Variants in CAMSAP2 observed in about 807,000 individuals in gnomAD.
CAMSAP2 encodes the protein calmodulin regulated spectrin associated protein family member 2, also known as calmodulin-regulated spectrin-associated protein 2.
Under a neutral mutation model 146.1 loss-of-function variants are expected in CAMSAP2, and 26 were observed. The observed-to-expected ratio is 0.18, with a 90% CI of 0.13 to 0.25. The LOEUF (loss-of-function observed/expected upper bound fraction) is 0.25, where lower values mean the gene tolerates loss of function less well. CAMSAP2 is among the 10% of genes least tolerant of loss of function. The probability of loss-of-function intolerance (pLI) is 1.00; values close to 1 mark genes in which losing one functional copy is unlikely to be tolerated. For synonymous variants in CAMSAP2, 499 were observed against 596.6 expected (o/e 0.84, Z 2.38); for missense variants, 1,381 against 1,759.3 (o/e 0.78, Z 3.85).
rs569606766 is a variant in CAMSAP2, at chr1:200,853,125, A to G, written c.3603-150A>G. The G allele has an allele frequency of 1.5e-6, 1 of 660,930 alleles. No individual in the cohort carries two copies. The highest frequency in any genetic ancestry group is 2.9e-5 in the Admixed American group (1 of 34,354). 40.9% of individuals were successfully genotyped at this position (660,930 alleles called of 1,614,324 possible). A position where few individuals can be genotyped will look rare whatever the true frequency, so the allele number is the denominator to read the frequency against. On this transcript the variant is annotated intron_variant, in intron 12 of 16. Transcript: ENST00000358823. This position sits in a 1 kb window ranked among gnomAD's most constrained non-coding sequence, Gnocchi z 5.1. ...TTATTTATGCTTAATCCCATGTCTC[A>G]GCAGAATCGTCAAGTACCTTTTAAA...
At chr1:200,761,184 GT>G in intron 2 of CAMSAP2, 86 bp downstream of exon 2, 1 of 1,272,860 alleles carries the variant, frequency 7.9e-7, no homozygotes, top group Middle Eastern at 1.9e-4. Flanking sequence ...AGAGGGAAAT[GT>G]TTTGAAATTG....
chr1:200,800,518 G>GT (rs1397542738), intron 2 of CAMSAP2, among the ~76,000 whole-genome samples: 2 of 151,810 alleles, frequency 1.3e-5, no homozygotes, highest in Non-Finnish European at 2.9e-5. Context: ...CATTTGCTTG[G>GT]TAAATCTTCC....
intron 7 of CAMSAP2, 23 bp from the exon 8 acceptor site, chr1:200,844,758 GT>G (rs1202914911): frequency 2.8e-6 from 4 of 1,406,748 alleles, no homozygotes; most frequent in Non-Finnish European, 3.9e-6. Flanking sequence ...ATTTGAGGGT[GT>G]TTTTAAAAAT....
intron 1 of CAMSAP2, among the ~76,000 whole-genome samples, chr1:200,749,809 A>AT (rs1664448124): frequency 1.3e-5 from 2 of 152,142 alleles, no homozygotes; most frequent in South Asian, 2.1e-4. Context: ...CTTTCTCTTT[A>AT]TGGGGGGGAA....
At chr1:200,809,166 CCTTAT>C (rs1470048997) in intron 3 of CAMSAP2, among the ~76,000 whole-genome samples, 1 of 152,132 alleles carries the variant, frequency 6.6e-6, no homozygotes, top group African/African-American at 2.4e-5. Flanking sequence ...GCTAAATTTG[CCTTAT>C]CTTTTCTTGA....
intron 1 of CAMSAP2, among the ~76,000 whole-genome samples, chr1:200,749,121 C>G (rs1369062406): frequency 6.6e-6 from 1 of 152,170 alleles, no homozygotes; most frequent in South Asian, 2.1e-4. Context: ...GGAGGAAGGA[C>G]CACACTCCCT....
chr1:200,798,192 A>T (rs1335817433), intron 2 of CAMSAP2, among the ~76,000 whole-genome samples: 1 of 150,154 alleles, frequency 6.7e-6, no homozygotes, highest in African/African-American at 2.5e-5. Flanking sequence ...AGTTTTTTCC[A>T]ATTCTGTGAA....
At chr1:200,790,216 G>A (rs1418405436) in intron 2 of CAMSAP2, among the ~76,000 whole-genome samples, 5 of 152,150 alleles carry the variant, frequency 3.3e-5, no homozygotes, top group Non-Finnish European at 7.3e-5. Flanking sequence ...GTTAGGCTTT[G>A]ATAGTACCTT....
At chr1:200,816,836 G>GTA (rs1378720099) in intron 4 of CAMSAP2, among the ~76,000 whole-genome samples, 6 of 49,884 alleles carry the variant, frequency 1.2e-4, no homozygotes, top group African/African-American at 4.5e-4. Flanking sequence ...ACACGCGTGT[G>GTA]TATGTGTGTA....
chr1:200,848,459 A>G lies in CAMSAP2; in HGVS notation c.1690A>G (p.Ile564Val). The G allele has an allele frequency of 2.5e-6, 4 of 1,613,324 alleles. No individual in the cohort carries two copies. The highest frequency in any genetic ancestry group is 3.4e-6 in the Non-Finnish European group (4 of 1,179,658). The change falls in exon 11 of 17, where the codon ATT (isoleucine) becomes GTT (valine). Residue 564 changes from isoleucine (I) to valine (V), a missense_variant. Around this residue, in one of 4 missense-constraint regions of CAMSAP2, gnomAD observed 447 missense variants for 462.2 expected, o/e 0.97. Coordinates refer to ENST00000358823, the MANE Select transcript of CAMSAP2 (RefSeq NM_203459.4). ...TCCTCATACACCTCAGCCAGACCAA[A>G]TTGCTAATGGCTTCTTTCTTCATAG... The part of the protein sequence containing the change: ...KSPHTPQPDQ[I>V]ANGFFLHSQE...
rs1667684027 is a variant in CAMSAP2, at chr1:200,853,804, TTAAA to T, written c.3823+315_3823+318del. ...AACTGCCCTTTACATACTTATAAATTTAAATAAATGTTATATGCATGAAATGTAC... is the reference window on the plus strand; with the variant it reads ...AACTGCCCTTTACATACTTATAAATTTAAATGTTATATGCATGAAATGTAC... On this transcript the variant is annotated intron_variant, in intron 13 of 16. Transcript: ENST00000358823. The surrounding 1 kb of genome is among the most constrained non-coding windows in gnomAD (Gnocchi z 5.1). Among the ~76,000 whole-genome samples the T allele has an allele frequency of 6.6e-6, 1 of 152,166 alleles. No homozygotes were observed. The highest frequency in any genetic ancestry group is 1.5e-5 in the Non-Finnish European group (1 of 68,030).
chr1:200,803,126 T>C (rs1666078427), intron 2 of CAMSAP2, among the ~76,000 whole-genome samples: 2 of 152,200 alleles, frequency 1.3e-5, no homozygotes, highest in South Asian at 4.1e-4. Context: ...CGCAGTTGCC[T>C]CCTACAAGGT....
At chr1:200,806,759 GTGTGTGTATC>G (rs1558185445) in intron 2 of CAMSAP2, among the ~76,000 whole-genome samples, 1 of 132,118 alleles carries the variant, frequency 7.6e-6, no homozygotes, top group Non-Finnish European at 1.7e-5. Flanking sequence ...GTGTGTGTGT[GTGTGTGTATC>G]TATCTATCTA....
chr1:200,780,298 A>T (rs1665396303), intron 2 of CAMSAP2, among the ~76,000 whole-genome samples: 1 of 152,170 alleles, frequency 6.6e-6, no homozygotes, highest in African/African-American at 2.4e-5. Context: ...ACTCTTTGAA[A>T]AGCTGATGCT....
At chr1:200,745,998 G>C (rs1664311417) in intron 1 of CAMSAP2, among the ~76,000 whole-genome samples, 1 of 152,150 alleles carries the variant, frequency 6.6e-6, no homozygotes, top group Non-Finnish European at 1.5e-5. Context: ...AAACTCAAAG[G>C]TATAAAAGAG....
chr1:200,798,994 A>G (rs957819162), intron 2 of CAMSAP2, among the ~76,000 whole-genome samples: 1 of 152,234 alleles, frequency 6.6e-6, no homozygotes, highest in Non-Finnish European at 1.5e-5. Flanking sequence ...ATATTGAACC[A>G]GCCTTGCATC....
chr1:200,837,391 A>G (rs554286102), intron 6 of CAMSAP2, among the ~76,000 whole-genome samples: 4 of 152,040 alleles, frequency 2.6e-5, no homozygotes, highest in Non-Finnish European at 4.4e-5. Flanking sequence ...CAAAGATCAG[A>G]TGGTTGTAGA....
At chr1:200,828,246 A>T (rs905078783) in intron 4 of CAMSAP2, among the ~76,000 whole-genome samples, 5 of 152,088 alleles carry the variant, frequency 3.3e-5, no homozygotes, top group African/African-American at 7.2e-5. Context: ...CCCTTTTGTG[A>T]TATAGATTTA....
rs1403844159 is a variant in CAMSAP2, at chr1:200,816,775, CGT to C, written c.645+1134_645+1135del. ...GTATATATGTGTGTACACACACACG[CGT>C]GTATATATGTGTGTACACACACACG... is the stretch of plus-strand genomic sequence containing the variant. On this transcript the variant is annotated intron_variant, in intron 4 of 16. Coordinates refer to ENST00000358823, the MANE Select transcript of CAMSAP2 (RefSeq NM_203459.4). Among the ~76,000 whole-genome samples the C allele has an allele frequency of 1.0e-3, 114 of 113,166 alleles. 31 individuals are homozygous for C. The highest frequency in any genetic ancestry group is 1.8e-3 in the South Asian group (6 of 3,428). The allele number at this position is 113,166 out of a possible 152,430, so 74.2% of individuals were successfully genotyped here.
Sources: allele counts gnomAD v4.1 joint callset (sites outside exome capture counted in the v4.1 genomes callset), GRCh38; gene constraint gnomAD v4.1.1; regional missense constraint gnomAD v4.1.1; non-coding constraint Gnocchi (gnomAD v3.1); transcripts MANE v1.5; gene names NCBI Gene and HGNC (gene_info 2026-07-23, HGNC 2026-07-21).